The following SCD5 variants were observed in gnomAD, a reference collection of about 807,000 sequenced individuals.
The protein encoded by SCD5 is acyl-CoA-desaturase 4.
SCD5 carries 20 observed loss-of-function variants against 30.4 expected under a neutral mutation model. That is an observed-to-expected ratio of 0.66 (90% CI 0.46 to 0.96). The LOEUF (loss-of-function observed/expected upper bound fraction) is 0.96, where lower values mean the gene tolerates loss of function less well. Ranked by LOEUF, SCD5 falls within the 40% of genes least tolerant of loss-of-function variation. SCD5 has a pLI of 0.00. For synonymous variants in SCD5, 173 were observed against 176.4 expected, an observed-to-expected ratio of 0.98 and a Z score of 0.16; for missense variants, 381 against 443.3, an observed-to-expected ratio of 0.86 and a Z score of 1.26.
chr4:82,648,750 T>G (rs551911599), intron 3 of SCD5, among the ~76,000 whole-genome samples: 2 of 152,312 alleles, frequency 1.3e-5, no homozygotes, highest in East Asian at 3.9e-4. Flanking sequence ...CTTGTTTCTC[T>G]TTATCTGTGA....
chr4:82,762,388 G>A (rs1721393267), intron 1 of SCD5, among the ~76,000 whole-genome samples: 2 of 152,070 alleles, frequency 1.3e-5, no homozygotes, highest in South Asian at 4.1e-4. Flanking sequence ...AAGTAGGTGG[G>A]ATTGCAGGCA....
intron 3 of SCD5, among the ~76,000 whole-genome samples, chr4:82,663,022 C>T (rs969675424): frequency 6.6e-6 from 1 of 152,172 alleles, no homozygotes; most frequent in Admixed American, 6.6e-5. Context: ...ATGCAGAGTT[C>T]TGTGTCTGCT....
At chr4:82,650,757 A>T (rs1727734910) in intron 3 of SCD5, among the ~76,000 whole-genome samples, 1 of 152,128 alleles carries the variant, frequency 6.6e-6, no homozygotes, top group Non-Finnish European at 1.5e-5. Context: ...AGCTATTGCT[A>T]TTTACTGTAT....
intron 1 of SCD5, among the ~76,000 whole-genome samples, chr4:82,726,441 A>G (rs1166851765): frequency 4.1e-5 from 6 of 147,468 alleles, no homozygotes; most frequent in African/African-American, 1.5e-4. Context: ...AAAAACAATT[A>G]CCTTGGATTT....
Position 82,631,180 on chromosome 4 carries a change from G to T in SCD5, c.*147C>A. The T allele has an allele frequency of 1.7e-6, 1 of 578,616 alleles. No individual in the cohort carries two copies. Among genetic ancestry groups the T allele is most frequent in the Middle Eastern group, 4.8e-4 (1 of 2,084 alleles). 35.8% of individuals were successfully genotyped at this position (578,616 alleles called of 1,614,324 possible). A position where few individuals can be genotyped will look rare whatever the true frequency, so the allele number is the denominator to read the frequency against. Reference sequence around the variant, plus strand: ...TAATTGTATTTCAACATTATTTTGAGATAAACAAAAACATTCCCAAACCAC... The same window carrying T: ...TAATTGTATTTCAACATTATTTTGATATAAACAAAAACATTCCCAAACCAC... On this transcript the variant is annotated 3_prime_UTR_variant, in exon 5 of 5. Transcript: ENST00000319540.
intron 3 of SCD5, among the ~76,000 whole-genome samples, chr4:82,674,178 G>A (rs1189907864): frequency 1.3e-5 from 2 of 152,068 alleles, no homozygotes; most frequent in Non-Finnish European, 2.9e-5. Context: ...TTTCTACTTT[G>A]CAAAAGATAC....
chr4:82,729,328 G>T (rs1720576722), intron 1 of SCD5, among the ~76,000 whole-genome samples: 1 of 152,198 alleles, frequency 6.6e-6, no homozygotes, highest in African/African-American at 2.4e-5. Flanking sequence ...GAGGGCCAAG[G>T]ACTTCTGGAG....
At chr4:82,688,607 G>A (rs1436412034) in intron 2 of SCD5, among the ~76,000 whole-genome samples, 2 of 152,134 alleles carry the variant, frequency 1.3e-5, no homozygotes, top group African/African-American at 4.8e-5. Context: ...GTCCCCAAGA[G>A]TGGCCTGGCA....
At chr4:82,754,149 TC>T (rs1214205045) in intron 1 of SCD5, among the ~76,000 whole-genome samples, 1 of 151,884 alleles carries the variant, frequency 6.6e-6, no homozygotes, top group Non-Finnish European at 1.5e-5. Flanking sequence ...AAAACTTATC[TC>T]CCCGTTTTGC....
intron 1 of SCD5, among the ~76,000 whole-genome samples, chr4:82,736,315 A>C (rs76156526): frequency 7.9e-5 from 12 of 151,358 alleles, no homozygotes; most frequent in African/African-American, 1.9e-4. Context: ...CAAAAAAAAA[A>C]CCATTATTCT....
chr4:82,633,714 T>C (rs7656006), intron 4 of SCD5, among the ~76,000 whole-genome samples: 39,647 of 152,054 alleles, frequency 0.26, 6,124 homozygotes, highest in African/African-American at 0.43. Flanking sequence ...GGTTTTAATT[T>C]GCATTTCTCT....
At chr4:82,689,526 T>C (rs932373792) in intron 2 of SCD5, among the ~76,000 whole-genome samples, 1 of 152,130 alleles carries the variant, frequency 6.6e-6, no homozygotes, top group Non-Finnish European at 1.5e-5. Flanking sequence ...TATAAATACA[T>C]TGGAAAAAGC....
intron 1 of SCD5, among the ~76,000 whole-genome samples, chr4:82,730,617 A>G (rs1015559114): frequency 2.1e-4 from 23 of 108,310 alleles, no homozygotes; most frequent in Admixed American, 1.2e-3. Context: ...AAGGAGTCTC[A>G]CTCTGTTGCC....
chr4:82,739,887 T>C (rs879910795), intron 1 of SCD5, among the ~76,000 whole-genome samples: 1 of 152,178 alleles, frequency 6.6e-6, no homozygotes, highest in Non-Finnish European at 1.5e-5. Context: ...GTGTTTAAAA[T>C]CTAAGGCGAG....
At chr4:82,766,232 A>T (rs528463440) in intron 1 of SCD5, among the ~76,000 whole-genome samples, 11 of 152,336 alleles carry the variant, frequency 7.2e-5, no homozygotes, top group South Asian at 6.2e-4. Flanking sequence ...ATATTAAGCC[A>T]TCTGACGCTG....
chr4:82,755,253 A>G (rs997799736), intron 1 of SCD5, among the ~76,000 whole-genome samples: 12 of 152,136 alleles, frequency 7.9e-5, no homozygotes, highest in African/African-American at 2.9e-4. Flanking sequence ...TAATCCCAGC[A>G]CTTTGGGAGG....
chr4:82,698,181 G>C (rs1322704928), intron 2 of SCD5: 5 of 454,114 alleles, frequency 1.1e-5, no homozygotes, highest in Middle Eastern at 3.6e-4. Flanking sequence ...TGCATCTGAA[G>C]CTTAGGCTCA....
chr4:82,707,504 T>C (rs2148828093), intron 1 of SCD5, among the ~76,000 whole-genome samples: 1 of 152,344 alleles, frequency 6.6e-6, no homozygotes, highest in East Asian at 1.9e-4. Flanking sequence ...TCCCTATTAG[T>C]AACTTGCTTC....
Position 82,680,819 on chromosome 4 carries a change from A to G in SCD5, c.457T>C (p.Phe153Leu). The G allele has an allele frequency of 6.2e-7, 1 of 1,613,918 alleles. No homozygotes were observed. The highest frequency in any genetic ancestry group is 1.1e-5 in the South Asian group (1 of 91,044). The change falls in exon 3 of 5, where the codon TTC (phenylalanine) becomes CTC (leucine). Residue 153 changes from phenylalanine to leucine, a missense_variant. Coordinates refer to ENST00000319540, the MANE Select transcript of SCD5 (RefSeq NM_001037582.3). ...ACAAACAGCCACCCAATATGGGAGA[A>G]GAAGAAGCCCCGGCGGGCATTGTGG... ...DPHNARRGFF[F>L]SHIGWLFVRK...
Sources: gnomAD v4.1 joint callset for allele counts (sites outside exome capture counted in the v4.1 genomes callset) on GRCh38, gnomAD v4.1.1 for gene constraint, MANE v1.5 for transcripts, NCBI Gene and HGNC (gene_info 2026-07-23, HGNC 2026-07-21) for gene names.